Variants in NR3C2 observed in about 807,000 individuals in gnomAD.
NR3C2 encodes the protein nuclear receptor subfamily 3 group C member 2.
Under a neutral mutation model 86.4 loss-of-function variants are expected in NR3C2, and 15 were observed. That is an observed-to-expected ratio of 0.17 (90% CI 0.12 to 0.27). The LOEUF (loss-of-function observed/expected upper bound fraction) is 0.27. Ranked by LOEUF, NR3C2 falls within the 10% of genes least tolerant of loss-of-function variation. NR3C2 has a pLI of 1.00. For synonymous variants in NR3C2, 458 were observed against 450.5 expected (o/e 1.02, Z -0.21); for missense variants, 960 against 1,195.6 (o/e 0.80, Z 2.91).
At chr4:148,285,615 G>A (rs1741481012) in intron 2 of NR3C2, among the ~76,000 whole-genome samples, 1 of 152,126 alleles carries the variant, frequency 6.6e-6, no homozygotes, top group African/African-American at 2.4e-5. Context: ...GCTAAGGCAG[G>A]AGAATCGCTT....
Position 148,383,947 on chromosome 4 carries a change from CA to C in NR3C2, c.1757+51156del, listed in dbSNP as rs142475748. ...TACAGGGCACAGCGAGACTCTGTCT[CA>C]GGGGAAAAAAAAAAAAAAAAAAGCA... On this transcript the variant is annotated intron_variant, in intron 2 of 8. Transcript: ENST00000358102. 9.8e-4 allele frequency among the ~76,000 whole-genome samples: 88 copies of C among 90,064 alleles called. No homozygotes were observed. The East Asian group carries it at 0.015, about 15-fold the overall frequency. The allele number at this position is 90,064 out of a possible 152,430, so 59.1% of individuals were successfully genotyped here.
intron 8 of NR3C2, among the ~76,000 whole-genome samples, chr4:148,094,340 A>T (rs1162598236): frequency 6.6e-6 from 1 of 152,244 alleles, no homozygotes; most frequent in Non-Finnish European, 1.5e-5. Context: ...TTAAACAGAG[A>T]ATTGCCATAT....
At chr4:148,413,981 G>A (rs1397175680) in intron 2 of NR3C2, among the ~76,000 whole-genome samples, 1 of 151,980 alleles carries the variant, frequency 6.6e-6, no homozygotes, top group East Asian at 1.9e-4. Context: ...TTTGCTCTTG[G>A]GTATAAGCAG....
chr4:148,431,224 C>A (rs72645622), intron 2 of NR3C2, among the ~76,000 whole-genome samples: 4 of 152,052 alleles, frequency 2.6e-5, no homozygotes, highest in African/African-American at 9.7e-5. Context: ...AATCATAGAT[C>A]GCCCCTCCTC....
chr4:148,362,919 G>T (rs2063556), intron 2 of NR3C2, among the ~76,000 whole-genome samples: 19,417 of 152,142 alleles, frequency 0.13, 1,325 homozygotes, highest in Middle Eastern at 0.16. Context: ...CTTTCTACAT[G>T]CCGTTCAAAC....
In NR3C2 at chr4:148,236,386, G is replaced by A. The variant is rs563046327; in HGVS notation, c.1897+23592C>T. Among the ~76,000 whole-genome samples, 82 of 152,296 alleles carry A rather than the reference G, an allele frequency of 5.4e-4. 1 individual carries two copies. In the South Asian group the frequency reaches 9.1e-3, roughly 17 times the overall value. ...CTTCAGCCTCAATGGAAAAAGAAAA[G>A]TTGATTTTTTAGTGAAATCCTATAT... On this transcript the variant is annotated intron_variant, in intron 3 of 8. Coordinates refer to ENST00000358102, the MANE Select transcript of NR3C2 (RefSeq NM_000901.5).
At chr4:148,266,387 C>T (rs948005156) in intron 2 of NR3C2, among the ~76,000 whole-genome samples, 1 of 152,158 alleles carries the variant, frequency 6.6e-6, no homozygotes, top group African/African-American at 2.4e-5. Context: ...GCCTCTTTCT[C>T]TGGTGATACT....
chr4:148,273,693 G>T (rs1740809379), intron 2 of NR3C2, among the ~76,000 whole-genome samples: 1 of 152,164 alleles, frequency 6.6e-6, no homozygotes, highest in African/African-American at 2.4e-5. Flanking sequence ...GGAACACAGG[G>T]CTGAGACAGC....
intron 1 of NR3C2, among the ~76,000 whole-genome samples, chr4:148,437,334 C>T (rs1750129932): frequency 6.6e-6 from 1 of 152,154 alleles, no homozygotes; most frequent in South Asian, 2.1e-4. Context: ...CATATAGAAG[C>T]TGCCTTCCAT....
intron 2 of NR3C2, among the ~76,000 whole-genome samples, chr4:148,295,893 C>A (rs2149914212): frequency 6.6e-6 from 1 of 152,038 alleles, no homozygotes; most frequent in East Asian, 1.9e-4. Flanking sequence ...CACATATAGA[C>A]TGCAGCCCAA....
At chr4:148,244,125 A>C (rs1739202477) in intron 3 of NR3C2, among the ~76,000 whole-genome samples, 1 of 152,200 alleles carries the variant, frequency 6.6e-6, no homozygotes, top group Non-Finnish European at 1.5e-5. Context: ...CTATGATCCT[A>C]TCCTGAGACA....
intron 6 of NR3C2, among the ~76,000 whole-genome samples, chr4:148,133,463 AG>A (rs1733130091): frequency 6.6e-6 from 1 of 152,200 alleles, no homozygotes; most frequent in South Asian, 2.1e-4. Flanking sequence ...GCAAAAAGGT[AG>A]GATTCCTTTA....
chr4:148,287,980 C>A (rs1316566795), intron 2 of NR3C2, among the ~76,000 whole-genome samples: 1 of 152,106 alleles, frequency 6.6e-6, no homozygotes, highest in African/African-American at 2.4e-5. Context: ...ATTTAACTAA[C>A]TATATTCTTC....
intron 2 of NR3C2, among the ~76,000 whole-genome samples, chr4:148,315,461 T>C (rs1204546218): frequency 6.6e-6 from 1 of 152,212 alleles, no homozygotes; most frequent in African/African-American, 2.4e-5. Flanking sequence ...AAAACCAATG[T>C]TTCTTCACAA....
At chr4:148,200,929 A>G (rs1736687798) in intron 3 of NR3C2, 1 of 152,110 alleles carries the variant, frequency 6.6e-6, no homozygotes, top group Admixed American at 6.5e-5. Flanking sequence ...AAGTTATTAA[A>G]TTAAAAAAAA....
intron 2 of NR3C2, among the ~76,000 whole-genome samples, chr4:148,284,339 T>C (rs2149899978): frequency 6.6e-6 from 1 of 152,052 alleles, no homozygotes; most frequent in East Asian, 1.9e-4. Context: ...AATTTTTGAG[T>C]CTCCAGCAAA....
chr4:148,251,129 T>C (rs933806810), intron 3 of NR3C2, among the ~76,000 whole-genome samples: 1 of 151,716 alleles, frequency 6.6e-6, no homozygotes, highest in African/African-American at 2.4e-5. Context: ...GTTGTTGTTA[T>C]TGTTCTTTTT....
chr4:148,204,171 A>G (rs1736883425), intron 3 of NR3C2, among the ~76,000 whole-genome samples: 1 of 152,234 alleles, frequency 6.6e-6, no homozygotes, highest in South Asian at 2.1e-4. Context: ...ATAATATTAT[A>G]TGACAAAATC....
intron 2 of NR3C2, among the ~76,000 whole-genome samples, chr4:148,408,418 A>G (rs941589246): frequency 6.6e-6 from 1 of 152,198 alleles, no homozygotes; most frequent in African/African-American, 2.4e-5. Flanking sequence ...TAAAATTCAG[A>G]TATTTTATTT....
Sources: gnomAD v4.1 joint callset for allele counts (sites outside exome capture counted in the v4.1 genomes callset) on GRCh38, gnomAD v4.1.1 for gene constraint, MANE v1.5 for transcripts, NCBI Gene and HGNC (gene_info 2026-07-23, HGNC 2026-07-21) for gene names.